The following TAS2R1 variants were observed in gnomAD, a reference collection of about 807,000 sequenced individuals.
TAS2R1 encodes the protein taste receptor type 2 member 1.
For missense variants in TAS2R1, 370 were observed against 353.4 expected, an observed-to-expected ratio of 1.05 and a Z score of -0.38; for synonymous variants, 141 against 134.2, an observed-to-expected ratio of 1.05 and a Z score of -0.35.
intron 1 of TAS2R1, among the ~76,000 whole-genome samples, chr5:9,686,302 T>C (rs1561378667): frequency 6.6e-6 from 1 of 152,190 alleles, no homozygotes; most frequent in East Asian, 1.9e-4. Flanking sequence ...AAGACAAAGC[T>C]CTTGCCATTG....
the TAS2R1 span, among the ~76,000 whole-genome samples, chr5:9,831,475 T>C: frequency 4.6e-5 from 7 of 152,176 alleles, no homozygotes; most frequent in Admixed American, 4.6e-4. Flanking sequence ...ATATATGCAA[T>C]ATAATGTAGA....
At chr5:9,854,132 C>T in the TAS2R1 span, among the ~76,000 whole-genome samples, 3 of 152,172 alleles carry the variant, frequency 2.0e-5, no homozygotes, top group Non-Finnish European at 2.9e-5. Context: ...CTGCTTCAGC[C>T]TCTCTAGCTT....
the TAS2R1 span, among the ~76,000 whole-genome samples, chr5:9,759,459 C>A: frequency 6.6e-6 from 1 of 152,238 alleles, no homozygotes; most frequent in African/African-American, 2.4e-5. Context: ...TAAAAAGTTT[C>A]TGGCCCCCTT....
At chr5:9,639,230 C>A (rs1363046066) in intron 2 of TAS2R1, among the ~76,000 whole-genome samples, 2 of 152,176 alleles carry the variant, frequency 1.3e-5, no homozygotes, top group Non-Finnish European at 2.9e-5. Context: ...CCCCAAGGGA[C>A]CCTGTGAGAT....
the TAS2R1 span, among the ~76,000 whole-genome samples, chr5:9,809,420 T>C: frequency 6.6e-6 from 1 of 152,044 alleles, no homozygotes; most frequent in African/African-American, 2.4e-5. Flanking sequence ...TAGGTTTAGA[T>C]GAGGTCATGA....
the TAS2R1 span, among the ~76,000 whole-genome samples, chr5:9,813,956 T>C: frequency 6.6e-6 from 1 of 152,182 alleles, no homozygotes; most frequent in African/African-American, 2.4e-5. Context: ...TTCCTTAGGT[T>C]ACCTTAGCTC....
chr5:9,798,337 T>A, the TAS2R1 span, among the ~76,000 whole-genome samples: 1 of 152,042 alleles, frequency 6.6e-6, no homozygotes, highest in Non-Finnish European at 1.5e-5. Context: ...ATTCTGTAAA[T>A]TTACAAAAAA....
the TAS2R1 span, among the ~76,000 whole-genome samples, chr5:9,723,315 A>G: frequency 6.6e-6 from 1 of 152,168 alleles, no homozygotes; most frequent in Non-Finnish European, 1.5e-5. Flanking sequence ...GTGGGCTTCT[A>G]GTCTTTTCCC....
At chr5:9,830,867 T>C in the TAS2R1 span, among the ~76,000 whole-genome samples, 1 of 152,228 alleles carries the variant, frequency 6.6e-6, no homozygotes, top group South Asian at 2.1e-4. Context: ...TGAACATAGA[T>C]ATAGAGAAGA....
At chr5:9,869,806 A>G in the TAS2R1 span, among the ~76,000 whole-genome samples, 1 of 152,192 alleles carries the variant, frequency 6.6e-6, no homozygotes, top group Admixed American at 6.5e-5. Context: ...TCTGTAATAA[A>G]TCATAGCCAT....
At chr5:9,894,630 G>T in the TAS2R1 span, among the ~76,000 whole-genome samples, 1 of 152,212 alleles carries the variant, frequency 6.6e-6, no homozygotes, top group African/African-American at 2.4e-5. Context: ...CATCCAGTCT[G>T]TAGTAATTTG....
the TAS2R1 span, among the ~76,000 whole-genome samples, chr5:9,803,686 A>T: frequency 2.0e-5 from 3 of 152,214 alleles, no homozygotes; most frequent in Admixed American, 2.0e-4. Context: ...CCAGACAAAC[A>T]AATGCTGAGA....
chr5:9,793,977 A>G, the TAS2R1 span, among the ~76,000 whole-genome samples: 1 of 152,234 alleles, frequency 6.6e-6, no homozygotes, highest in Admixed American at 6.5e-5. Context: ...AAAACTTCAG[A>G]AATAATGAAG....
At chr5:9,778,430 C>A in the TAS2R1 span, among the ~76,000 whole-genome samples, 41 of 152,212 alleles carry the variant, frequency 2.7e-4, no homozygotes, top group East Asian at 6.6e-3. Context: ...CTGCATTAGC[C>A]CCTAACAAGA....
At chr5:9,694,588 T>C (rs1306891859) in intron 1 of TAS2R1, among the ~76,000 whole-genome samples, 1 of 152,216 alleles carries the variant, frequency 6.6e-6, no homozygotes, top group Admixed American at 6.5e-5. Flanking sequence ...CAAAGGACCA[T>C]TTTCTTTCTA....
the TAS2R1 span, among the ~76,000 whole-genome samples, chr5:9,889,456 T>C: frequency 2.0e-5 from 3 of 152,156 alleles, no homozygotes; most frequent in Non-Finnish European, 4.4e-5. Context: ...AAAATACCTT[T>C]TGGGCTGCTG....
chr5:9,691,204 C>G (rs1741244756), intron 1 of TAS2R1, among the ~76,000 whole-genome samples: 1 of 152,172 alleles, frequency 6.6e-6, no homozygotes, highest in Non-Finnish European at 1.5e-5. Flanking sequence ...CAGAGGGAGA[C>G]AGATAGACAG....
the TAS2R1 span, among the ~76,000 whole-genome samples, chr5:9,879,717 T>C: frequency 2.0e-5 from 3 of 152,316 alleles, no homozygotes; most frequent in Admixed American, 2.0e-4. Flanking sequence ...GTGATGATTA[T>C]ATGCAAACTA....
At chr5:9,661,426 T>C (rs1460296862) in intron 1 of TAS2R1, among the ~76,000 whole-genome samples, 1 of 152,188 alleles carries the variant, frequency 6.6e-6, no homozygotes, top group African/African-American at 2.4e-5. Flanking sequence ...ATGCATGCTC[T>C]CTTTTCTGAC....
Sources: allele counts gnomAD v4.1 joint callset (sites outside exome capture counted in the v4.1 genomes callset), GRCh38; gene constraint gnomAD v4.1.1; transcripts MANE v1.5; gene names NCBI Gene and HGNC (gene_info 2026-07-23, HGNC 2026-07-21).